Variants in TEX26 observed in about 807,000 individuals in gnomAD.
TEX26 encodes testis expressed 26, also known as testis-expressed protein 26.
TEX26 carries 34 observed loss-of-function variants against 35.3 expected under a neutral mutation model. The observed-to-expected ratio is 0.96, with a 90% CI of 0.73 to 1.28. TEX26 has a LOEUF of 1.28. Among genes scored for constraint, TEX26 ranks in the 50% most tolerant of loss-of-function variants. The pLI is 0.00. For missense variants in TEX26, 371 were observed against 330.1 expected (o/e 1.12, Z -0.96); for synonymous variants, 136 against 111.8 (o/e 1.22, Z -1.36).
Position 30,957,014 on chromosome 13 carries a change from G to A in TEX26, c.454G>A (p.Val152Met). The A allele has an allele frequency of 5.0e-6, 8 of 1,614,160 alleles. No individual in the cohort carries two copies. The highest frequency in any genetic ancestry group is 1.1e-5 in the South Asian group (1 of 91,082). The stretch of plus-strand genomic sequence containing the variant: ...TATTTCCCTTACTAAGAGAGACTTT[G>A]TGGACAGATCAAAAGGTAAACACTT... ...QFISLTKRDFVDRSKAQKIKK... is the reference protein window; with the variant it reads ...QFISLTKRDFMDRSKAQKIKK... The change falls in exon 4 of 7, where the codon GTG (valine) becomes ATG (methionine). Residue 152 changes from valine to methionine, a missense_variant. By Grantham distance (21) the Val-to-Met change is conservative (BLOSUM62 1). Transcript: ENST00000380473.
intron 3 of TEX26, 95 bp from the exon 4 acceptor site, chr13:30,956,778 G>A: frequency 8.5e-7 from 1 of 1,169,658 alleles, no homozygotes; most frequent in Admixed American, 2.1e-5. Flanking sequence ...GGTTGTAAAG[G>A]ATTCTGAAGA....
At chr13:30,972,051 G>T (rs1428689720) in intron 6 of TEX26, among the ~76,000 whole-genome samples, 1 of 152,172 alleles carries the variant, frequency 6.6e-6, no homozygotes, top group Non-Finnish European at 1.5e-5. Context: ...CTCATTATCT[G>T]GTATGGGAGA....
chr13:30,961,376 C>T (rs1162344483), intron 4 of TEX26, among the ~76,000 whole-genome samples: 1 of 152,188 alleles, frequency 6.6e-6, no homozygotes, highest in East Asian at 1.9e-4. Context: ...CTGAGCCTTG[C>T]TCCCTGCCTT....
At chr13:30,939,040 A>G (rs545915864) in intron 1 of TEX26, among the ~76,000 whole-genome samples, 1 of 152,154 alleles carries the variant, frequency 6.6e-6, no homozygotes, top group Non-Finnish European at 1.5e-5. Context: ...TCTATCACAC[A>G]CTGTTAGTGA....
At chr13:30,951,518 T>A (rs1051839366) in intron 2 of TEX26, among the ~76,000 whole-genome samples, 5 of 151,904 alleles carry the variant, frequency 3.3e-5, no homozygotes, top group Non-Finnish European at 5.9e-5. Flanking sequence ...AGCCCTTTTT[T>A]AAAAAAAAGT....
At chr13:30,955,123 T>C (rs1252540382) in intron 3 of TEX26, among the ~76,000 whole-genome samples, 3 of 139,218 alleles carry the variant, frequency 2.2e-5, no homozygotes, top group Non-Finnish European at 4.7e-5. Flanking sequence ...GAAGAAGAAT[T>C]GCTTTGGGCC....
intron 2 of TEX26, among the ~76,000 whole-genome samples, chr13:30,944,346 CTTCTT>C (rs1953623011): frequency 6.6e-6 from 1 of 151,814 alleles, no homozygotes; most frequent in Non-Finnish European, 1.5e-5. Context: ...AATATTCTCT[CTTCTT>C]TTCTTGGTTA....
intron 6 of TEX26, 38 bp from the exon 7 acceptor site, chr13:30,974,808 G>A (rs547903466): frequency 1.7e-5 from 26 of 1,506,044 alleles, no homozygotes; most frequent in African/African-American, 2.9e-5. Context: ...AAATACTTAC[G>A]TGAAAATTTT....
intron 5 of TEX26, among the ~76,000 whole-genome samples, chr13:30,967,738 C>G (rs181687772): frequency 6.6e-6 from 1 of 152,030 alleles, no homozygotes; most frequent in African/African-American, 2.4e-5. Flanking sequence ...GTTTTTACAT[C>G]GTGATTCTAT....
intron 3 of TEX26, among the ~76,000 whole-genome samples, chr13:30,954,554 A>G (rs1954056606): frequency 1.3e-5 from 2 of 151,766 alleles, no homozygotes; most frequent in African/African-American, 4.8e-5. Context: ...GAACTCTTGA[A>G]CTCAAGTGAT....
At chr13:30,948,620 A>T (rs1322568479) in intron 2 of TEX26, among the ~76,000 whole-genome samples, 1 of 151,940 alleles carries the variant, frequency 6.6e-6, no homozygotes, top group Non-Finnish European at 1.5e-5. Flanking sequence ...GTTTGAGTTC[A>T]TTGTAGATTC....
Position 30,932,706 on chromosome 13 carries a change from C to CT in TEX26, c.-9dup. On this transcript the variant is annotated 5_prime_UTR_variant, in exon 1 of 7. Coordinates refer to ENST00000380473, the MANE Select transcript of TEX26 (RefSeq NM_152325.3). ...GGAGCCAGGGCCCCGCGGCCGCCTC[C>CT]TGGGGCAGAATGGAACAGCCTGGGC... 6.2e-7 allele frequency: 1 copy of CT among 1,612,688 alleles called. No individual in the cohort carries two copies.
chr13:30,967,156 C>T (rs1954566582), intron 5 of TEX26, among the ~76,000 whole-genome samples: 1 of 152,196 alleles, frequency 6.6e-6, no homozygotes, highest in South Asian at 2.1e-4. Context: ...GACCAAGCCA[C>T]CTCCAAGCTA....
At chr13:30,954,966 G>A (rs532622322) in intron 3 of TEX26, among the ~76,000 whole-genome samples, 3 of 152,144 alleles carry the variant, frequency 2.0e-5, no homozygotes, top group Non-Finnish European at 4.4e-5. Context: ...CATGCCAGAT[G>A]GCAGCTCCTA....
chr13:30,968,753 G>A lies in TEX26; in HGVS notation c.647-132G>A. On this transcript the variant is annotated intron_variant, in intron 5 of 6. Coordinates refer to ENST00000380473, the MANE Select transcript of TEX26 (RefSeq NM_152325.3). ...GTTTAATACAGAGCCTTAATGTCCA[G>A]CATCATGAAGGATGCTGCCTAAGCT... The A allele has an allele frequency of 3.8e-6, 3 of 783,418 alleles. 1 individual carries two copies. The highest frequency in any genetic ancestry group is 6.3e-6 in the Non-Finnish European group (3 of 479,972). The allele number at this position is 783,418 out of a possible 1,614,324, so 48.5% of individuals were successfully genotyped here. A position where few individuals can be genotyped will look rare whatever the true frequency, so the allele number is the denominator to read the frequency against.
intron 1 of TEX26, among the ~76,000 whole-genome samples, chr13:30,937,801 G>A (rs1953329998): frequency 6.6e-6 from 1 of 152,148 alleles, no homozygotes; most frequent in Admixed American, 6.5e-5. Flanking sequence ...ACTTCAGCCA[G>A]GGTTAAGGGC....
At chr13:30,960,387 C>A (rs775973743) in intron 4 of TEX26, among the ~76,000 whole-genome samples, 5 of 152,118 alleles carry the variant, frequency 3.3e-5, no homozygotes, top group South Asian at 4.1e-4. Flanking sequence ...AGACTGCAGG[C>A]ATGCACCACC....
chr13:30,965,736 T>C (rs1267812042), intron 4 of TEX26, among the ~76,000 whole-genome samples: 1 of 152,198 alleles, frequency 6.6e-6, no homozygotes, highest in Non-Finnish European at 1.5e-5. Flanking sequence ...CGAGTGTTTT[T>C]TTTTTCCAGG....
intron 4 of TEX26, among the ~76,000 whole-genome samples, chr13:30,964,749 T>A (rs1437006719): frequency 2.0e-5 from 3 of 152,170 alleles, no homozygotes; most frequent in African/African-American, 7.2e-5. Flanking sequence ...TCTTGCAGCA[T>A]CATCCCCTGA....
Sources: gnomAD v4.1 joint callset for allele counts (sites outside exome capture counted in the v4.1 genomes callset) on GRCh38, gnomAD v4.1.1 for gene constraint, MANE v1.5 for transcripts, NCBI Gene and HGNC (gene_info 2026-07-23, HGNC 2026-07-21) for gene names.